Variants in TSPEAR observed in about 807,000 individuals in gnomAD.
TSPEAR encodes the protein thrombospondin-type laminin G domain and EAR repeat-containing protein.
In TSPEAR, 69 loss-of-function variants were observed where a neutral mutation model predicts 71.6. The observed-to-expected ratio is 0.96, with a 90% CI of 0.79 to 1.18. TSPEAR has a LOEUF of 1.18. Ranked by LOEUF, TSPEAR falls within the 50% of genes most tolerant of loss-of-function variation. TSPEAR has a pLI of 0.00. For synonymous variants in TSPEAR, 402 were observed against 387.2 expected, an observed-to-expected ratio of 1.04 and a Z score of -0.45; for missense variants, 971 against 894.9, an observed-to-expected ratio of 1.09 and a Z score of -1.09.
intron 1 of TSPEAR, among the ~76,000 whole-genome samples, chr21:44,590,705 G>A (rs181342131): frequency 1.8e-3 from 271 of 152,208 alleles, no homozygotes; most frequent in African/African-American, 5.7e-3. Flanking sequence ...GCTAGGCCCC[G>A]GGTGGGCTAC....
intron 1 of TSPEAR, chr21:44,580,556 A>G: frequency 6.2e-7 from 1 of 1,613,106 alleles, no homozygotes; most frequent in Non-Finnish European, 8.5e-7. Flanking sequence ...GCTGGAGCAG[A>G]CGGACATGGT....
chr21:44,512,229 G>C (rs1199046925), intron 9 of TSPEAR, among the ~76,000 whole-genome samples: 1 of 152,134 alleles, frequency 6.6e-6, no homozygotes, highest in African/African-American at 2.4e-5. Flanking sequence ...GGTCACTGGG[G>C]AGCCGGAGGA....
chr21:44,627,204 C>G (rs368333322), intron 1 of TSPEAR: 3 of 1,613,040 alleles, frequency 1.9e-6, no homozygotes, highest in Non-Finnish European at 2.5e-6. Flanking sequence ...TCCGCTCCAG[C>G]GCTTACTCCG....
chr21:44,691,120 C>G (rs1987105559), intron 1 of TSPEAR, among the ~76,000 whole-genome samples: 1 of 151,802 alleles, frequency 6.6e-6, no homozygotes, highest in South Asian at 2.1e-4. Context: ...ACACTTCTCT[C>G]TCTCTCCCCA....
At chr21:44,703,213 C>T (rs1987743091) in intron 1 of TSPEAR, among the ~76,000 whole-genome samples, 1 of 152,252 alleles carries the variant, frequency 6.6e-6, no homozygotes, top group Admixed American at 6.5e-5. Flanking sequence ...TATGCAAACA[C>T]ACCCCTGGCT....
chr21:44,545,556 A>G (rs1327575651), intron 2 of TSPEAR, among the ~76,000 whole-genome samples: 4 of 152,156 alleles, frequency 2.6e-5, no homozygotes, highest in Non-Finnish European at 5.9e-5. Context: ...AAACTCATAG[A>G]AACTATCTTC....
At chr21:44,654,288 G>A in intron 1 of TSPEAR, 1 of 1,613,494 alleles carries the variant, frequency 6.2e-7, no homozygotes, top group African/African-American at 1.3e-5. Flanking sequence ...AGCAGCCAGT[G>A]GGGGTGCTCC....
At chr21:44,518,776 A>G (rs2052667300) in intron 9 of TSPEAR, 1 of 448,282 alleles carries the variant, frequency 2.2e-6, no homozygotes, top group Admixed American at 2.4e-5. Flanking sequence ...ATAACGTTTC[A>G]AATCCCTTCC....
At chr21:44,686,931 A>G (rs575604940) in intron 1 of TSPEAR, among the ~76,000 whole-genome samples, 2 of 152,298 alleles carry the variant, frequency 1.3e-5, no homozygotes, top group East Asian at 3.9e-4. Flanking sequence ...GTCCTTGGTC[A>G]CTGCTCAGAG....
At chr21:44,503,558 A>G (rs2145907441) in intron 11 of TSPEAR, among the ~76,000 whole-genome samples, 1 of 117,356 alleles carries the variant, frequency 8.5e-6, no homozygotes, top group East Asian at 2.7e-4. Context: ...ACAGTGGGGA[A>G]GCAATGTGCT....
chr21:44,511,912 C>T (rs1302051612), intron 9 of TSPEAR, among the ~76,000 whole-genome samples: 2 of 152,342 alleles, frequency 1.3e-5, no homozygotes, highest in East Asian at 1.9e-4. Context: ...GGCATCACAT[C>T]TCAGTGATGA....
At chr21:44,574,628 C>T in intron 1 of TSPEAR, 2 of 1,297,702 alleles carry the variant, frequency 1.5e-6, no homozygotes. Flanking sequence ...TGCCCATCTG[C>T]TCTGGGGCTT....
rs1450570368 is a variant in TSPEAR at position 44,546,387 on chromosome 21, T to C, written c.304-12464A>G. Among the ~76,000 whole-genome samples, 1 of 152,232 alleles carries C rather than the reference T, an allele frequency of 6.6e-6. No individual in the cohort carries two copies. Among genetic ancestry groups the C allele is most frequent in the Non-Finnish European group, 1.5e-5 (1 of 68,044 alleles). ...TCTCGCTCTGTTGCCCAGGCTGGAG[T>C]GCAGTGGTGCGATCTCTGCTCACTG... On this transcript the variant is annotated intron_variant, in intron 2 of 11. Transcript: ENST00000323084. This position sits in a 1 kb window ranked among gnomAD's most constrained non-coding sequence, Gnocchi z 4.4.
rs1386336935 is a variant in TSPEAR, at chr21:44,520,586, C to T, written c.1566+1297G>A. ...GTCCCTGTGAGCCGCGGCTCCTGGT[C>T]CGGCCCCTGCGGGCTTCTCAAGGTG... On this transcript the variant is annotated intron_variant, in intron 9 of 11. Transcript: ENST00000323084. The surrounding 1 kb of genome is among the most constrained non-coding windows in gnomAD (Gnocchi z 4.2). The T allele has an allele frequency of 1.3e-5, 2 of 152,304 alleles. No homozygotes were observed. Among genetic ancestry groups the T allele is most frequent in the African/African-American group, 4.8e-5 (2 of 41,544 alleles). The allele number at this position is 152,304 out of a possible 1,614,324, so 9.4% of individuals were successfully genotyped here.
intron 2 of TSPEAR, among the ~76,000 whole-genome samples, chr21:44,540,715 C>A (rs1308800482): frequency 6.6e-6 from 1 of 152,188 alleles, no homozygotes; most frequent in African/African-American, 2.4e-5. Flanking sequence ...CACATTCCTT[C>A]CCCCATCCCC....
chr21:44,697,369 C>T (rs1555950783), intron 1 of TSPEAR: 1 of 1,613,360 alleles, frequency 6.2e-7, no homozygotes. Context: ...CCCCAGTGAG[C>T]CGTGTATCCA....
chr21:44,634,647 C>A (rs1983439263), intron 1 of TSPEAR, among the ~76,000 whole-genome samples: 1 of 152,080 alleles, frequency 6.6e-6, no homozygotes, highest in African/African-American at 2.4e-5. Context: ...AAAAAGTCAA[C>A]CCAATTTAAA....
intron 9 of TSPEAR, chr21:44,518,118 TCATTAGTAG>T (rs1415606593): frequency 5.6e-6 from 2 of 356,906 alleles, no homozygotes; most frequent in Non-Finnish European, 1.1e-5. Context: ...GCTCTCTGTC[TCATTAGTAG>T]CATTTTTTAT....
chr21:44,529,756 G>T, intron 5 of TSPEAR, 42 bp downstream of exon 5: 2 of 1,609,704 alleles, frequency 1.2e-6, no homozygotes, highest in Non-Finnish European at 1.7e-6. Context: ...CAGGGCTCTC[G>T]CATCTGCCTT....
Sources: gnomAD v4.1 joint callset for allele counts (sites outside exome capture counted in the v4.1 genomes callset) on GRCh38, gnomAD v4.1.1 for gene constraint, Gnocchi (gnomAD v3.1) non-coding constraint, MANE v1.5 for transcripts, NCBI Gene and HGNC (gene_info 2026-07-23, HGNC 2026-07-21) for gene names.